GAN: variants seen among roughly 807,000 people sequenced by gnomAD.
GAN encodes gigaxonin.
Under a neutral mutation model 71.3 loss-of-function variants are expected in GAN, and 48 were observed. The observed-to-expected ratio is 0.67, with a 90% CI of 0.53 to 0.86. GAN has a LOEUF of 0.86. Among genes scored for constraint, GAN ranks in the 40% least tolerant of loss-of-function variants. The pLI is 0.00. For missense variants in GAN, 928 were observed against 770.1 expected, an observed-to-expected ratio of 1.21 and a Z score of -2.43; for synonymous variants, 386 against 276.8, an observed-to-expected ratio of 1.39 and a Z score of -3.92.
At chr16:81,352,086 A>G (rs999602147) in intron 2 of GAN, among the ~76,000 whole-genome samples, 1 of 152,168 alleles carries the variant, frequency 6.6e-6, no homozygotes, top group South Asian at 2.1e-4. Context: ...TCTCCATAGC[A>G]TGGAAATAGG....
chr16:81,355,626 G>C (rs1475170799), intron 3 of GAN, among the ~76,000 whole-genome samples: 1 of 152,196 alleles, frequency 6.6e-6, no homozygotes, highest in Non-Finnish European at 1.5e-5. Flanking sequence ...GCTTCCCAAA[G>C]TGCTGGGATT....
chr16:81,360,115 C>CAGGT (rs1260521953), intron 5 of GAN, among the ~76,000 whole-genome samples: 6 of 152,056 alleles, frequency 3.9e-5, no homozygotes. Context: ...GATAGACAGG[C>CAGGT]AGGTAGGTAG....
At chr16:81,316,738 C>A (rs1306023958) in intron 1 of GAN, among the ~76,000 whole-genome samples, 1 of 152,200 alleles carries the variant, frequency 6.6e-6, no homozygotes, top group African/African-American at 2.4e-5. Context: ...ATTGCCGAAT[C>A]CTTGCTTGTT....
intron 1 of GAN, among the ~76,000 whole-genome samples, chr16:81,345,942 C>T (rs1006690857): frequency 1.3e-5 from 2 of 152,272 alleles, no homozygotes; most frequent in East Asian, 3.9e-4. Flanking sequence ...CTTCACATGC[C>T]CAGTTCACAA....
chr16:81,359,446 C>T (rs373443089), intron 5 of GAN, among the ~76,000 whole-genome samples: 3 of 136,680 alleles, frequency 2.2e-5, no homozygotes, highest in South Asian at 2.3e-4. Flanking sequence ...TTGATTTTGA[C>T]TGTTTTTTTG....
rs1029203309 is a variant in GAN, at chr16:81,385,072, T to C, written c.*7476T>C. On this transcript the variant is annotated 3_prime_UTR_variant, in exon 11 of 11. Transcript: ENST00000648994. ...ACCAGGTAAAATCTGGTGCTTAAGT[T>C]GTACCAAGTATAGCCAAGTTTAACT... The C allele has an allele frequency of 6.5e-6, 1 of 154,210 alleles. No homozygotes were observed. Among genetic ancestry groups the C allele is most frequent in the African/African-American group, 2.4e-5 (1 of 41,532 alleles). The allele number at this position is 154,210 out of a possible 1,614,324, so 9.6% of individuals were successfully genotyped here. A position where few individuals can be genotyped will look rare whatever the true frequency, so the allele number is the denominator to read the frequency against.
rs576561016 is a variant in GAN, at chr16:81,377,832, G to A, written c.*236G>A. The A allele has an allele frequency of 7.0e-6, 4 of 575,304 alleles. No homozygotes were observed. Among genetic ancestry groups the A allele is most frequent in the South Asian group, 2.1e-5 (1 of 48,712 alleles). The allele number at this position is 575,304 out of a possible 1,614,324, so 35.6% of individuals were successfully genotyped here. The stretch of plus-strand genomic sequence containing the variant: ...CCTCCAGTTAAATGTGGCTGTAGAT[G>A]TTGGAGGCTAGGGAGGCTAGTAAAT... On this transcript the variant is annotated 3_prime_UTR_variant, in exon 11 of 11. Coordinates refer to ENST00000648994, the MANE Select transcript of GAN (RefSeq NM_022041.4).
In GAN at chr16:81,354,617, C is replaced by T. The variant is rs1363136055; in HGVS notation, c.495C>T (p.Ser165=). 12 of 1,613,804 alleles carry T rather than the reference C, an allele frequency of 7.4e-6. No homozygotes were observed. Among genetic ancestry groups the T allele is most frequent in the East Asian group, 2.2e-5 (1 of 44,886 alleles). ...TGGAGACTCATTTCCGAGACGTCAG[C>T]AGCACGGAAGAATTCTTAGAGCTGA... ...EYLETHFRDV[S]STEEFLELSP... Residue 165 remains serine, a synonymous_variant, in exon 3 of 11, where the codon AGC becomes AGT. Coordinates refer to ENST00000648994, the MANE Select transcript of GAN (RefSeq NM_022041.4).
intron 9 of GAN, among the ~76,000 whole-genome samples, chr16:81,369,600 G>C (rs1022207957): frequency 4.6e-5 from 7 of 152,108 alleles, no homozygotes; most frequent in African/African-American, 9.7e-5. Flanking sequence ...TAGATCTTTT[G>C]CTTTTTTTTG....
rs1186860092 is a variant in GAN at position 81,384,406 on chromosome 16, T to C, written c.*6810T>C. 1.3e-5 allele frequency: 2 copies of C among 152,138 alleles called. No individual in the cohort carries two copies. The highest frequency in any genetic ancestry group is 2.4e-5 in the African/African-American group (1 of 41,454). 9.4% of individuals were successfully genotyped at this position (152,138 alleles called of 1,614,324 possible). On this transcript the variant is annotated 3_prime_UTR_variant, in exon 11 of 11. Coordinates refer to ENST00000648994, the MANE Select transcript of GAN (RefSeq NM_022041.4). ...ATTACTTGAAACTCAACTTGAACTTTAAAGAGTCTTTAAAAGGCTGTTTTC... is the reference window on the plus strand; with the variant it reads ...ATTACTTGAAACTCAACTTGAACTTCAAAGAGTCTTTAAAAGGCTGTTTTC...
chr16:81,362,086 A>G (rs1910693310), intron 5 of GAN, among the ~76,000 whole-genome samples: 1 of 152,190 alleles, frequency 6.6e-6, no homozygotes, highest in African/African-American at 2.4e-5. Context: ...CCTGTTTTGA[A>G]TAGAAAGTGC....
Position 81,369,661 on chromosome 16 carries a change from G to A in GAN, c.1502+4183G>A, listed in dbSNP as rs555785813. ...GGCTGGAGTGCAGTGGCGTGATCTC[G>A]GCTCACTGCAAGCTCCACCTGCCGG... On this transcript the variant is annotated intron_variant, in intron 9 of 10. Transcript: ENST00000648994. Among the ~76,000 whole-genome samples, 6 of 152,106 alleles carry A rather than the reference G, an allele frequency of 3.9e-5. No individual in the cohort carries two copies. In the South Asian group the frequency reaches 8.3e-4, roughly 21 times the overall value.
chr16:81,362,426 T>G (rs1186739637), intron 5 of GAN, 73 bp from the exon 6 acceptor site: 1 of 801,114 alleles, frequency 1.2e-6, no homozygotes, highest in African/African-American at 1.7e-5. Flanking sequence ...AGATGCTGTT[T>G]CTATATATGC....
At chr16:81,368,025 G>A (rs187208873) in intron 9 of GAN, among the ~76,000 whole-genome samples, 117 of 152,314 alleles carry the variant, frequency 7.7e-4, no homozygotes, top group Middle Eastern at 3.4e-3. Flanking sequence ...ATATTTGATT[G>A]GAGACCATGT....
At chr16:81,374,218 C>G (rs751745445) in intron 9 of GAN, among the ~76,000 whole-genome samples, 11 of 152,212 alleles carry the variant, frequency 7.2e-5, no homozygotes, top group Non-Finnish European at 1.6e-4. Context: ...TGCATCATAT[C>G]AGGGAGAACA....
intron 1 of GAN, among the ~76,000 whole-genome samples, chr16:81,351,305 T>C (rs537508060): frequency 2.6e-5 from 4 of 152,332 alleles, no homozygotes; most frequent in African/African-American, 9.6e-5. Context: ...GACTGGGATT[T>C]CCAAGGTGAA....
intron 1 of GAN, 52 bp from the exon 2 acceptor site, chr16:81,351,529 TTA>T: frequency 1.3e-6 from 1 of 793,440 alleles, no homozygotes; most frequent in South Asian, 1.4e-5. Context: ...ACATAAATAT[TTA>T]TAGCTATTTC....
intron 1 of GAN, among the ~76,000 whole-genome samples, chr16:81,331,806 C>G (rs1909586787): frequency 6.6e-6 from 1 of 152,140 alleles, no homozygotes; most frequent in South Asian, 2.1e-4. Flanking sequence ...GGGCCGTACG[C>G]CCAGACTGGG....
In GAN at chr16:81,384,663, A is replaced by G. The variant is rs1040880174; in HGVS notation, c.*7067A>G. On this transcript the variant is annotated 3_prime_UTR_variant, in exon 11 of 11. Coordinates refer to ENST00000648994, the MANE Select transcript of GAN (RefSeq NM_022041.4). The stretch of plus-strand genomic sequence containing the variant: ...CTCATTGCTAAGATCCTCCTCACTT[A>G]AAGTGTTTCCTCAGTGCAGAGTTGA... 3.3e-5 allele frequency: 5 copies of G among 152,184 alleles called. No individual in the cohort carries two copies. The highest frequency in any genetic ancestry group is 2.1e-4 in the South Asian group (1 of 4,832). 9.4% of individuals were successfully genotyped at this position (152,184 alleles called of 1,614,324 possible).
Sources: gnomAD v4.1 joint callset for allele counts (sites outside exome capture counted in the v4.1 genomes callset) on GRCh38, gnomAD v4.1.1 for gene constraint, MANE v1.5 for transcripts, NCBI Gene and HGNC (gene_info 2026-07-23, HGNC 2026-07-21) for gene names.